TGM6: variants seen among roughly 807,000 people sequenced by gnomAD.
The protein encoded by TGM6 is transglutaminase 6, also known as protein-glutamine gamma-glutamyltransferase 6.
In TGM6, 74 loss-of-function variants were observed where a neutral mutation model predicts 77.5. That is an observed-to-expected ratio of 0.96 (90% CI 0.79 to 1.16). The LOEUF is 1.16. Among genes scored for constraint, TGM6 ranks in the 50% most tolerant of loss-of-function variants. The probability of loss-of-function intolerance (pLI) is 0.00; values close to 1 mark genes in which losing one functional copy is unlikely to be tolerated. For synonymous variants in TGM6, 383 were observed against 378.9 expected, an observed-to-expected ratio of 1.01 and a Z score of -0.12; for missense variants, 968 against 940.2, an observed-to-expected ratio of 1.03 and a Z score of -0.39.
At chr20:2,407,846 T>C (rs1049673805) in intron 9 of TGM6, among the ~76,000 whole-genome samples, 2 of 152,010 alleles carry the variant, frequency 1.3e-5, no homozygotes, top group Non-Finnish European at 2.9e-5. Flanking sequence ...CCCTCCTGAG[T>C]GTCAGGCATG....
chr20:2,395,261 G>A lies in TGM6; in HGVS notation c.249G>A (p.Glu83=). 6.2e-7 allele frequency: 1 copy of A among 1,614,118 alleles called. No homozygotes were observed. Among genetic ancestry groups the A allele is most frequent in the Non-Finnish European group, 8.5e-7 (1 of 1,180,022 alleles). ...AGACATCGGAGCTGGAGCGGGGTGAGGGCTGGACAGCAGCAAGGGAGGCTC... is the reference window on the plus strand; with the variant it reads ...AGACATCGGAGCTGGAGCGGGGTGAAGGCTGGACAGCAGCAAGGGAGGCTC... ...VFQTSELERG[E]GWTAAREAQM... Residue 83 remains glutamate (E), a synonymous_variant, in exon 3 of 13, where the codon GAG becomes GAA. Coordinates refer to ENST00000202625, the MANE Select transcript of TGM6 (RefSeq NM_198994.3).
At chr20:2,408,011 G>A (rs2084763279) in intron 9 of TGM6, among the ~76,000 whole-genome samples, 1 of 152,296 alleles carries the variant, frequency 6.6e-6, no homozygotes, top group Middle Eastern at 3.4e-3. Context: ...AGGGCAGAAG[G>A]TATCAGGAAA....
intron 7 of TGM6, among the ~76,000 whole-genome samples, chr20:2,401,665 G>T (rs915898791): frequency 3.9e-5 from 6 of 152,136 alleles, no homozygotes; most frequent in Non-Finnish European, 7.3e-5. Flanking sequence ...TAAGATCATT[G>T]ATTCTATTTC....
chr20:2,416,447 G>A lies in TGM6; in HGVS notation c.1337-785G>A, dbSNP rs113580024. On this transcript the variant is annotated intron_variant, in intron 9 of 12. Transcript: ENST00000202625. ...CTTTTCAATAAATGGTGTTGGGACC[G>A]CTGTATACCCACATGCAAAAGAATG... Among the ~76,000 whole-genome samples the A allele has an allele frequency of 5.1e-3, 769 of 152,268 alleles. 7 individuals are homozygous for A. The highest frequency in any genetic ancestry group is 0.016 in the African/African-American group (670 of 41,544).
chr20:2,397,964 G>A lies in TGM6; in HGVS notation c.590G>A (p.Ser197Asn), dbSNP rs1255110395. 3 of 1,613,992 alleles carry A rather than the reference G, an allele frequency of 1.9e-6. No individual in the cohort carries two copies. The highest frequency in any genetic ancestry group is 2.5e-6 in the Non-Finnish European group (3 of 1,180,024). ...ATCTGCCTCTCCATCCTGGATCGAA[G>A]CCCCGGTCACCAAAACAACCCAGCC... ...LNICLSILDR[S>N]PGHQNNPATD... The change falls in exon 5 of 13, where the codon AGC (serine) becomes AAC (asparagine). Residue 197 changes from serine to asparagine, a missense_variant. Physicochemically the swap from Ser to Asn is conservative, Grantham distance 46. Transcript: ENST00000202625.
intron 9 of TGM6, among the ~76,000 whole-genome samples, chr20:2,405,105 C>T (rs533276648): frequency 9.8e-5 from 15 of 152,302 alleles, no homozygotes; most frequent in Admixed American, 6.5e-4. Flanking sequence ...ATGTCTGTCA[C>T]GTGGGACTGC....
rs907920285 is a variant in TGM6 at position 2,395,122 on chromosome 20, T to C, written c.182-72T>C. 6.3e-6 allele frequency: 10 copies of C among 1,583,864 alleles called. No individual in the cohort carries two copies. The East Asian group carries it at 1.1e-4, about 18-fold the overall frequency. On this transcript the variant is annotated intron_variant, in intron 2 of 12. Coordinates refer to ENST00000202625, the MANE Select transcript of TGM6 (RefSeq NM_198994.3). The stretch of plus-strand genomic sequence containing the variant: ...GGTGAAGGTGGGGCTTCCAGGCCTG[T>C]AGCTTTTTTCACTTCTCTAAAGCTG...
chr20:2,420,088 CA>C (rs1358971678), intron 10 of TGM6, among the ~76,000 whole-genome samples: 2 of 151,876 alleles, frequency 1.3e-5, no homozygotes, highest in African/African-American at 2.4e-5. Flanking sequence ...ACTAAAAATA[CA>C]AAAAAATTAG....
At chr20:2,407,931 G>A (rs747908879) in intron 9 of TGM6, among the ~76,000 whole-genome samples, 9 of 152,168 alleles carry the variant, frequency 5.9e-5, no homozygotes, top group African/African-American at 1.4e-4. Flanking sequence ...AGAATAATTC[G>A]GAGTGACTGG....
At chr20:2,383,931 C>T (rs1039479494) in intron 1 of TGM6, among the ~76,000 whole-genome samples, 1 of 151,884 alleles carries the variant, frequency 6.6e-6, no homozygotes, top group Non-Finnish European at 1.5e-5. Flanking sequence ...CACGGTGAAA[C>T]CCCATCTCTA....
At chr20:2,382,614 G>A (rs964887510) in intron 1 of TGM6, among the ~76,000 whole-genome samples, 1 of 152,194 alleles carries the variant, frequency 6.6e-6, no homozygotes, top group South Asian at 2.1e-4. Flanking sequence ...ACTATGTGTT[G>A]GATTGGATTC....
At chr20:2,399,814 C>A in intron 6 of TGM6, 76 bp downstream of exon 6, 1 of 1,303,794 alleles carries the variant, frequency 7.7e-7, no homozygotes, top group Non-Finnish European at 1.1e-6. Context: ...CATATATTTG[C>A]ATATGCTGCA....
intron 5 of TGM6, 152 bp downstream of exon 5, chr20:2,398,198 C>A: frequency 7.6e-7 from 1 of 1,307,326 alleles, no homozygotes; most frequent in East Asian, 2.5e-5. Context: ...TGTAAAACAA[C>A]CCTTTATTAT....
In TGM6 at chr20:2,430,386, T is replaced by C. The variant is rs2084916152; in HGVS notation, c.1679-60T>C. 38 of 1,605,184 alleles carry C rather than the reference T, an allele frequency of 2.4e-5. No homozygotes were observed. In the South Asian group the frequency reaches 3.7e-4, roughly 16 times the overall value. ...ATTAGTTGTGCATTCCCTTCCTTCT[T>C]CCCAGTGCCATTGAAGAAAGACATC... On this transcript the variant is annotated intron_variant, in intron 10 of 12. Transcript: ENST00000202625.
At chr20:2,411,339 T>A (rs1436991670) in intron 9 of TGM6, among the ~76,000 whole-genome samples, 4 of 152,136 alleles carry the variant, frequency 2.6e-5, no homozygotes, top group Non-Finnish European at 5.9e-5. Flanking sequence ...AAGATGGGTT[T>A]AACATTGAAA....
chr20:2,430,669 CAG>C, intron 11 of TGM6, 69 bp downstream of exon 11: 1 of 1,609,802 alleles, frequency 6.2e-7, no homozygotes, highest in Non-Finnish European at 8.5e-7. Flanking sequence ...GGGAGGGCGT[CAG>C]AAGCTGGGGG....
chr20:2,391,138 GGGGT>G (rs1407368543), intron 1 of TGM6, among the ~76,000 whole-genome samples: 1 of 150,494 alleles, frequency 6.6e-6, no homozygotes, highest in Non-Finnish European at 1.5e-5. Flanking sequence ...AGGATATGCG[GGGGT>G]GGGGGCACAG....
rs761366287 is a variant in TGM6, at chr20:2,398,076, A to C, written c.672+30A>C. 8 of 1,613,998 alleles carry C rather than the reference A, an allele frequency of 5.0e-6. No individual in the cohort carries two copies. In the South Asian group the frequency reaches 7.7e-5, roughly 16 times the overall value. On this transcript the variant is annotated intron_variant, in intron 5 of 12. Transcript: ENST00000202625. ...GAAGCCCCTCCATCCCTGCACATGT[A>C]CTTCCTCAAGGATCCCCCAGCCAAC...
intron 10 of TGM6, among the ~76,000 whole-genome samples, chr20:2,429,800 T>C (rs2084912230): frequency 6.6e-6 from 1 of 150,580 alleles, no homozygotes; most frequent in Non-Finnish European, 1.5e-5. Context: ...TTTATGGTGA[T>C]CCATGCTTAC....
Sources: allele counts gnomAD v4.1 joint callset (sites outside exome capture counted in the v4.1 genomes callset), GRCh38; gene constraint gnomAD v4.1.1; transcripts MANE v1.5; gene names NCBI Gene and HGNC (gene_info 2026-07-23, HGNC 2026-07-21).